TUBD1: variants seen among roughly 807,000 people sequenced by gnomAD.
TUBD1 encodes the protein tubulin delta chain.
A neutral mutation model predicts 51.2 loss-of-function variants in TUBD1; 38 were observed. The observed-to-expected ratio is 0.74, with a 90% CI of 0.57 to 0.97. The LOEUF (loss-of-function observed/expected upper bound fraction) is 0.97, where lower values mean the gene tolerates loss of function less well. Among genes scored for constraint, TUBD1 ranks in the 50% least tolerant of loss-of-function variants. The pLI is 0.00. For synonymous variants in TUBD1, 169 were observed against 178.2 expected (o/e 0.95, Z 0.41); for missense variants, 489 against 538.4 (o/e 0.91, Z 0.91).
chr17:59,883,755 G>A (rs1438398728), intron 3 of TUBD1, among the ~76,000 whole-genome samples: 3 of 151,694 alleles, frequency 2.0e-5, no homozygotes, highest in Non-Finnish European at 4.4e-5. Flanking sequence ...GCCTCCCTTT[G>A]TTGCCTAGGG....
chr17:59,865,712 A>G (rs1416061607), intron 7 of TUBD1, among the ~76,000 whole-genome samples: 1 of 152,194 alleles, frequency 6.6e-6, no homozygotes, highest in African/African-American at 2.4e-5. Context: ...CTTCCTTAGT[A>G]TCAATTCCCC....
chr17:59,861,650 G>A (rs896924902), intron 8 of TUBD1, among the ~76,000 whole-genome samples: 8 of 151,890 alleles, frequency 5.3e-5, no homozygotes, highest in Admixed American at 4.6e-4. Flanking sequence ...TGGCCCTGTG[G>A]AGTGGGTTTT....
chr17:59,871,638 G>A (rs1019031498), intron 6 of TUBD1, among the ~76,000 whole-genome samples: 1 of 152,114 alleles, frequency 6.6e-6, no homozygotes, highest in Non-Finnish European at 1.5e-5. Context: ...TATAAATCAG[G>A]ATGAGGCAAG....
At position 59,860,102 on chromosome 17, in the gene TUBD1, G is replaced by T. The variant is rs982161780; in HGVS notation, c.*220C>A. The T allele has an allele frequency of 4.1e-6, 1 of 246,156 alleles. No homozygotes were observed. The highest frequency in any genetic ancestry group is 7.6e-6 in the Non-Finnish European group (1 of 131,194). 15.2% of individuals were successfully genotyped at this position (246,156 alleles called of 1,614,324 possible). The stretch of plus-strand genomic sequence containing the variant: ...GCGATCTCGGCTCACTGCAAGCTCC[G>T]CCTCCTGGGTTCACGTCATTCTCCT... On this transcript the variant is annotated 3_prime_UTR_variant, in exon 9 of 9. Coordinates refer to ENST00000325752, the MANE Select transcript of TUBD1 (RefSeq NM_016261.4).
At chr17:59,871,565 G>T (rs1028769043) in intron 6 of TUBD1, among the ~76,000 whole-genome samples, 3 of 152,060 alleles carry the variant, frequency 2.0e-5, no homozygotes, top group African/African-American at 7.2e-5. Flanking sequence ...CTCCTGAAAG[G>T]TATGGTCCAT....
chr17:59,861,829 A>T (rs1178874494), intron 8 of TUBD1, among the ~76,000 whole-genome samples: 1 of 149,246 alleles, frequency 6.7e-6, no homozygotes, highest in Non-Finnish European at 1.5e-5. Context: ...CACCACGCCC[A>T]GCTGTTTTTT....
chr17:59,885,165 G>A (rs1354891606), intron 3 of TUBD1: 2 of 384,212 alleles, frequency 5.2e-6, no homozygotes, highest in Non-Finnish European at 1.0e-5. Flanking sequence ...ACAGGCCACT[G>A]CCCTCAAGAA....
intron 6 of TUBD1, among the ~76,000 whole-genome samples, chr17:59,868,285 A>G (rs1216242803): frequency 2.1e-5 from 3 of 145,280 alleles, no homozygotes; most frequent in African/African-American, 7.5e-5. Context: ...CTCCATGTCA[A>G]AAAAAAAAAA....
At chr17:59,886,279 T>C in intron 2 of TUBD1, 49 bp from the exon 3 acceptor site, 2 of 1,562,500 alleles carry the variant, frequency 1.3e-6, no homozygotes, top group Non-Finnish European at 1.7e-6. Flanking sequence ...AAAGATTTAT[T>C]ATGTCTTATT....
Position 59,860,038 on chromosome 17 carries a change from CGGA to C in TUBD1, c.*281_*283del. On this transcript the variant is annotated 3_prime_UTR_variant, in exon 9 of 9. Coordinates refer to ENST00000325752, the MANE Select transcript of TUBD1 (RefSeq NM_016261.4). ...TTTTTTTTTTTTTTTTTTTTTGAGA[CGGA>C]GTCTCGCTCTGTCGCCCAGGCTGGA... 1 of 136,270 alleles carries C rather than the reference CGGA, an allele frequency of 7.3e-6. No homozygotes were observed. Among genetic ancestry groups the C allele is most frequent in the Non-Finnish European group, 1.4e-5 (1 of 72,292 alleles). The allele number at this position is 136,270 out of a possible 1,614,324, so 8.4% of individuals were successfully genotyped here. A position where few individuals can be genotyped will look rare whatever the true frequency, so the allele number is the denominator to read the frequency against.
At chr17:59,885,121 T>C (rs1207460758) in intron 3 of TUBD1, 1 of 344,850 alleles carries the variant, frequency 2.9e-6, no homozygotes. Context: ...ACCAATGACA[T>C]GCTCTCAGGG....
chr17:59,888,749 C>T (rs1283219849), intron 2 of TUBD1, among the ~76,000 whole-genome samples: 1 of 150,434 alleles, frequency 6.6e-6, no homozygotes, highest in Non-Finnish European at 1.5e-5. Flanking sequence ...TTTTTTGAGA[C>T]GGAGTTTCGC....
chr17:59,877,954 G>T (rs2040301283), intron 5 of TUBD1, 149 bp downstream of exon 5: 2 of 644,820 alleles, frequency 3.1e-6, no homozygotes, highest in African/African-American at 3.7e-5. Flanking sequence ...CAATAAGACA[G>T]TTCAGAGAAC....
intron 1 of TUBD1, among the ~76,000 whole-genome samples, chr17:59,891,282 C>T (rs1249942834): frequency 6.6e-6 from 1 of 152,072 alleles, no homozygotes; most frequent in Admixed American, 6.6e-5. Flanking sequence ...AGGCACGTGC[C>T]ACCACGCCTG....
intron 6 of TUBD1, among the ~76,000 whole-genome samples, chr17:59,872,698 G>GTGTGTA (rs2144491066): frequency 1.2e-5 from 1 of 80,300 alleles, no homozygotes; most frequent in South Asian, 3.1e-4. Flanking sequence ...ATGGGAATGT[G>GTGTGTA]TGTGTGTGTG....
intron 2 of TUBD1, among the ~76,000 whole-genome samples, chr17:59,889,138 C>A (rs1210316604): frequency 6.6e-6 from 1 of 150,630 alleles, no homozygotes; most frequent in Non-Finnish European, 1.5e-5. Context: ...CTCACCCTCC[C>A]GAATAACTGG....
intron 6 of TUBD1, among the ~76,000 whole-genome samples, chr17:59,871,613 T>A (rs1416530192): frequency 6.6e-6 from 1 of 152,004 alleles, no homozygotes; most frequent in Non-Finnish European, 1.5e-5. Context: ...AGATTTGAAA[T>A]CTAGGAGGTA....
At chr17:59,883,590 G>C (rs746237056) in intron 3 of TUBD1, among the ~76,000 whole-genome samples, 2 of 151,944 alleles carry the variant, frequency 1.3e-5, no homozygotes, top group Non-Finnish European at 2.9e-5. Context: ...ATTTTTAGTA[G>C]AGATGGGGTT....
At chr17:59,875,047 C>T (rs1243887198) in intron 5 of TUBD1, among the ~76,000 whole-genome samples, 15 of 135,876 alleles carry the variant, frequency 1.1e-4, no homozygotes, top group African/African-American at 3.8e-4. Context: ...TCTTGTCATT[C>T]TATGTTCACT....
Sources: allele counts gnomAD v4.1 joint callset (sites outside exome capture counted in the v4.1 genomes callset), GRCh38; gene constraint gnomAD v4.1.1; transcripts MANE v1.5; gene names NCBI Gene and HGNC (gene_info 2026-07-23, HGNC 2026-07-21).